CSMD1: variants seen among roughly 807,000 people sequenced by gnomAD.
CSMD1 encodes CUB and sushi domain-containing protein 1.
A neutral mutation model predicts 417.5 loss-of-function variants in CSMD1; 213 were observed. The ratio of observed to expected loss-of-function variants is 0.51; its 90% CI spans 0.46 to 0.57. The LOEUF (loss-of-function observed/expected upper bound fraction) is 0.57. Among genes scored for constraint, CSMD1 ranks in the 20% least tolerant of loss-of-function variants. The pLI is 0.00. For synonymous variants in CSMD1, 2,862 were observed against 1,736.8 expected (o/e 1.65, Z -16.11); for missense variants, 6,923 against 4,529.7 (o/e 1.53, Z -15.17).
chr8:3,014,264 T>A (rs1471626470), intron 52 of CSMD1, among the ~76,000 whole-genome samples: 1 of 151,076 alleles, frequency 6.6e-6, no homozygotes, highest in Non-Finnish European at 1.5e-5. Context: ...CAAAAAAAAA[T>A]GGATGCAAAC....
intron 5 of CSMD1, among the ~76,000 whole-genome samples, chr8:3,814,108 C>G (rs576415613): frequency 2.0e-5 from 3 of 152,150 alleles, no homozygotes; most frequent in Non-Finnish European, 4.4e-5. Context: ...GAGATCAGAA[C>G]CCATGTTCTT....
At chr8:3,631,982 T>C (rs779750218) in intron 7 of CSMD1, among the ~76,000 whole-genome samples, 54 of 152,236 alleles carry the variant, frequency 3.5e-4, no homozygotes, top group Non-Finnish European at 6.5e-4. Context: ...TTACACATTG[T>C]ACACTTAGAA....
rs1183084707 is a variant in CSMD1 at position 3,223,841 on chromosome 8, G to C, written c.4372C>G (p.Pro1458Ala). The C allele has an allele frequency of 3.1e-6, 5 of 1,613,558 alleles. No homozygotes were observed. Among genetic ancestry groups the C allele is most frequent in the Non-Finnish European group, 4.2e-6 (5 of 1,179,788 alleles). The change falls in exon 28 of 70, where the codon CCA becomes GCA. Residue 1458 changes from proline (P) to alanine (A), a missense_variant. Physicochemically the swap from Pro to Ala is conservative, Grantham distance 27. Transcript: ENST00000635120. ...IAACGGNLTG[P>A]AGVILSPNYP... is the part of the protein sequence containing the mutation. The stretch of plus-strand genomic sequence containing the variant: ...TTGGGTGACAAAATAACACCTGCTG[G>C]GCCCGTCAGATTCCCTCCACAAGCA...
At chr8:4,237,626 C>G (rs536795632) in intron 3 of CSMD1, among the ~76,000 whole-genome samples, 49 of 152,186 alleles carry the variant, frequency 3.2e-4, no homozygotes, top group African/African-American at 9.9e-4. Flanking sequence ...CCTCAACCTC[C>G]TGCCTCACCC....
chr8:4,235,169 T>C (rs562807577), intron 3 of CSMD1, among the ~76,000 whole-genome samples: 1 of 152,308 alleles, frequency 6.6e-6, no homozygotes, highest in South Asian at 2.1e-4. Context: ...GTGTGATTCA[T>C]CTTTCAGAGG....
At chr8:3,887,429 T>C (rs529527876) in intron 5 of CSMD1, among the ~76,000 whole-genome samples, 1 of 152,310 alleles carries the variant, frequency 6.6e-6, no homozygotes, top group East Asian at 1.9e-4. Flanking sequence ...TATGGACAAA[T>C]TATAGACCCT....
intron 3 of CSMD1, among the ~76,000 whole-genome samples, chr8:4,131,370 A>G (rs893338042): frequency 6.6e-6 from 1 of 152,106 alleles, no homozygotes; most frequent in Admixed American, 6.5e-5. Flanking sequence ...CCTCAAAATA[A>G]TATTCTAATC....
intron 1 of CSMD1, among the ~76,000 whole-genome samples, chr8:4,954,393 T>C (rs11136809): frequency 0.39 from 59,706 of 152,020 alleles, 11,937 homozygotes; most frequent in Middle Eastern, 0.48. Flanking sequence ...TGTTTTCTGA[T>C]TGAAGCTGTT....
chr8:4,295,178 A>C lies in CSMD1; in HGVS notation c.415+124775T>G, dbSNP rs192426384. 7.7e-3 allele frequency among the ~76,000 whole-genome samples: 1,101 copies of C among 142,366 alleles called. 11 individuals carry two copies. The highest frequency in any genetic ancestry group is 0.027 in the African/African-American group (1,063 of 38,794). The allele number at this position is 142,366 out of a possible 152,430, so 93.4% of individuals were successfully genotyped here. A position where few individuals can be genotyped will look rare whatever the true frequency, so the allele number is the denominator to read the frequency against. On this transcript the variant is annotated intron_variant, in intron 3 of 69. Transcript: ENST00000635120. Reference sequence around the variant, plus strand: ...CGCACATATAATCTTAAGATTATATAATCTTAAGATTATGCACATATAATC... The same window carrying C: ...CGCACATATAATCTTAAGATTATATCATCTTAAGATTATGCACATATAATC...
chr8:3,748,674 T>C (rs546593961), intron 6 of CSMD1, among the ~76,000 whole-genome samples: 1 of 152,328 alleles, frequency 6.6e-6, no homozygotes, highest in East Asian at 1.9e-4. Context: ...CATTGGAGAA[T>C]GGGGAATGCA....
chr8:4,454,731 AAACT>A (rs1445851804), intron 2 of CSMD1, among the ~76,000 whole-genome samples: 1 of 152,216 alleles, frequency 6.6e-6, no homozygotes, highest in Non-Finnish European at 1.5e-5. Context: ...TAAATGGATA[AAACT>A]ATACTCGTTT....
intron 23 of CSMD1, among the ~76,000 whole-genome samples, chr8:3,340,833 A>G (rs1000833751): frequency 3.3e-5 from 5 of 152,182 alleles, no homozygotes; most frequent in African/African-American, 1.2e-4. Context: ...AATCTTGCAA[A>G]GGAGACCTGA....
At chr8:3,864,942 G>A (rs2129107630) in intron 5 of CSMD1, among the ~76,000 whole-genome samples, 1 of 152,290 alleles carries the variant, frequency 6.6e-6, no homozygotes, top group East Asian at 1.9e-4. Context: ...TCTGTTCTGG[G>A]TGAACGAGCA....
intron 4 of CSMD1, among the ~76,000 whole-genome samples, chr8:4,006,210 G>A (rs2740968): frequency 2.0e-5 from 3 of 151,860 alleles, no homozygotes; most frequent in Admixed American, 1.3e-4. Flanking sequence ...TGAGAATTCC[G>A]GGACAGAAAT....
intron 37 of CSMD1, among the ~76,000 whole-genome samples, chr8:3,162,495 T>TG (rs2129040494): frequency 6.6e-6 from 1 of 152,308 alleles, no homozygotes; most frequent in South Asian, 2.1e-4. Context: ...CATTACACAA[T>TG]GAATCAAGGC....
chr8:4,345,919 G>A (rs1208752895), intron 3 of CSMD1, among the ~76,000 whole-genome samples: 1 of 152,018 alleles, frequency 6.6e-6, no homozygotes, highest in Non-Finnish European at 1.5e-5. Context: ...ACGTAACAAG[G>A]GAGGGGCTTT....
chr8:3,958,415 G>A (rs2627500), intron 5 of CSMD1, among the ~76,000 whole-genome samples: 115,365 of 151,322 alleles, frequency 0.76, 44,363 homozygotes, highest in East Asian at 0.95. Context: ...AAAATGGTGA[G>A]TTCATGGAAG....
At chr8:4,750,248 C>T (rs1585040805) in intron 1 of CSMD1, among the ~76,000 whole-genome samples, 1 of 150,334 alleles carries the variant, frequency 6.7e-6, no homozygotes, top group South Asian at 2.1e-4. Flanking sequence ...ACATTGTGAT[C>T]CGCCCGCCTC....
At chr8:3,832,449 G>A (rs1312456699) in intron 5 of CSMD1, among the ~76,000 whole-genome samples, 1 of 152,158 alleles carries the variant, frequency 6.6e-6, no homozygotes. Flanking sequence ...AAGCGATTAT[G>A]TAAGATAAGA....
Sources: allele counts gnomAD v4.1 joint callset (sites outside exome capture counted in the v4.1 genomes callset), GRCh38; gene constraint gnomAD v4.1.1; transcripts MANE v1.5; gene names NCBI Gene and HGNC (gene_info 2026-07-23, HGNC 2026-07-21).